Variants in CPEB3 observed in about 807,000 individuals in gnomAD.
The protein encoded by CPEB3 is cytoplasmic polyadenylation element binding protein 3, also known as cytoplasmic polyadenylation element-binding protein 3.
Under a neutral mutation model 67.2 loss-of-function variants are expected in CPEB3, and 20 were observed. The observed-to-expected ratio is 0.30, with a 90% CI of 0.21 to 0.43. CPEB3 has a LOEUF of 0.43. CPEB3 is among the 20% of genes least tolerant of loss of function. The pLI, the probability that CPEB3 is intolerant of heterozygous loss-of-function variation, is 1.00. For synonymous variants in CPEB3, 376 were observed against 393.1 expected (o/e 0.96, Z 0.51); for missense variants, 746 against 968.6 (o/e 0.77, Z 3.05).
intron 2 of CPEB3, among the ~76,000 whole-genome samples, chr10:92,237,156 C>G (rs957497997): frequency 3.9e-5 from 6 of 152,178 alleles, no homozygotes; most frequent in African/African-American, 1.4e-4. Context: ...AAACTTGGTA[C>G]GGTTATCAAC....
intron 2 of CPEB3, among the ~76,000 whole-genome samples, chr10:92,213,339 A>G (rs971357995): frequency 1.3e-5 from 2 of 152,218 alleles, no homozygotes. Flanking sequence ...AAGTCAATGA[A>G]TAAGAATTGT....
At chr10:92,117,822 C>A (rs540833391) in intron 6 of CPEB3, among the ~76,000 whole-genome samples, 1 of 152,184 alleles carries the variant, frequency 6.6e-6, no homozygotes, top group African/African-American at 2.4e-5. Flanking sequence ...TAAATGCTCA[C>A]AATGTTCTAG....
chr10:92,188,448 G>A (rs1300587146), intron 3 of CPEB3, among the ~76,000 whole-genome samples: 2 of 151,482 alleles, frequency 1.3e-5, no homozygotes, highest in East Asian at 1.9e-4. Context: ...CCGGCTGGGC[G>A]CAGTGGCTCA....
intron 9 of CPEB3, among the ~76,000 whole-genome samples, chr10:92,056,727 C>T (rs553400791): frequency 2.0e-5 from 3 of 152,296 alleles, no homozygotes; most frequent in South Asian, 2.1e-4. Flanking sequence ...TCGGGGGGCA[C>T]GTGGACTACT....
At chr10:92,217,250 C>T (rs10786032) in intron 2 of CPEB3, among the ~76,000 whole-genome samples, 72,441 of 98,408 alleles carry the variant, frequency 0.74, 25,321 homozygotes, top group East Asian at 0.94. Flanking sequence ...TATATATATA[C>T]ACACACACAC....
At chr10:92,258,651 T>TATAC (rs1852643733) in intron 1 of CPEB3, among the ~76,000 whole-genome samples, 2 of 66,966 alleles carry the variant, frequency 3.0e-5, no homozygotes, top group African/African-American at 9.1e-5. Context: ...TATATATATA[T>TATAC]ATATATATAT....
At chr10:92,149,632 C>T (rs1387194038) in intron 4 of CPEB3, among the ~76,000 whole-genome samples, 1 of 152,108 alleles carries the variant, frequency 6.6e-6, no homozygotes, top group East Asian at 1.9e-4. Context: ...TAAAACCAAA[C>T]CTCTGTCTTA....
chr10:92,209,172 T>A (rs932090652), intron 2 of CPEB3, among the ~76,000 whole-genome samples: 2 of 152,198 alleles, frequency 1.3e-5, no homozygotes, highest in East Asian at 3.9e-4. Context: ...AAAGCTGTTA[T>A]TTAAAAAAAA....
intron 3 of CPEB3, among the ~76,000 whole-genome samples, chr10:92,184,371 G>C (rs892567935): frequency 1.3e-5 from 2 of 152,176 alleles, no homozygotes; most frequent in African/African-American, 4.8e-5. Flanking sequence ...TTGGGAGGCC[G>C]AGGCAGTCGG....
chr10:92,256,255 A>G (rs966257467), intron 1 of CPEB3, among the ~76,000 whole-genome samples: 9 of 151,946 alleles, frequency 5.9e-5, no homozygotes, highest in Non-Finnish European at 1.5e-5. Context: ...AATGTCTCTC[A>G]TCTAGTATTC....
rs542138224 is a variant in CPEB3, at chr10:92,290,950, G to T, written c.-36C>A. On this transcript the variant is annotated 5_prime_UTR_variant, in exon 1 of 10. Transcript: ENST00000265997. Reference sequence around the variant, plus strand: ...CCTTGTTGCTACCGACAGTGGAGCGGCGCATCCTGCTGCTTCCTGGAAAGC... The same window carrying T: ...CCTTGTTGCTACCGACAGTGGAGCGTCGCATCCTGCTGCTTCCTGGAAAGC... 4 of 159,932 alleles carry T rather than the reference G, an allele frequency of 2.5e-5. No individual in the cohort carries two copies. Among genetic ancestry groups the T allele is most frequent in the African/African-American group, 4.8e-5 (2 of 41,620 alleles). 9.9% of individuals were successfully genotyped at this position (159,932 alleles called of 1,614,324 possible). A position where few individuals can be genotyped will look rare whatever the true frequency, so the allele number is the denominator to read the frequency against.
intron 1 of CPEB3, among the ~76,000 whole-genome samples, chr10:92,264,219 T>C (rs990836393): frequency 1.3e-5 from 2 of 151,666 alleles, no homozygotes; most frequent in African/African-American, 4.8e-5. Context: ...TCCCAACTAC[T>C]TGGGAGGCTG....
intron 9 of CPEB3, among the ~76,000 whole-genome samples, chr10:92,064,706 G>A (rs1019949574): frequency 1.3e-5 from 2 of 152,156 alleles, no homozygotes; most frequent in African/African-American, 4.8e-5. Context: ...CACTATGCTG[G>A]CTGAAAGGAG....
intron 1 of CPEB3, among the ~76,000 whole-genome samples, chr10:92,253,189 C>G (rs915895722): frequency 1.3e-5 from 2 of 151,960 alleles, no homozygotes; most frequent in South Asian, 4.1e-4. Context: ...AGGCTGGGCA[C>G]GGTAGCTCAC....
chr10:92,211,600 G>A (rs982400611), intron 2 of CPEB3, among the ~76,000 whole-genome samples: 8 of 148,638 alleles, frequency 5.4e-5, no homozygotes, highest in South Asian at 2.1e-4. Context: ...GCAGTGGCGC[G>A]ATCTTGGCTC....
In CPEB3 at chr10:92,216,790, A is replaced by G. The variant is rs1850428648; in HGVS notation, c.1005+22556T>C. On this transcript the variant is annotated intron_variant, in intron 2 of 9. Coordinates refer to ENST00000265997, the MANE Select transcript of CPEB3 (RefSeq NM_014912.5). ...AGGTGCAGTCCCTGCCCCTACCCCT[A>G]TGAGGAGCTCCGGTAGCACCTGGGC... The G allele has an allele frequency of 6.2e-6, 10 of 1,609,820 alleles. No individual in the cohort carries two copies. In the South Asian group the frequency reaches 8.8e-5, roughly 14 times the overall value.
At chr10:92,141,255 G>A (rs1310618238) in intron 6 of CPEB3, among the ~76,000 whole-genome samples, 1 of 150,302 alleles carries the variant, frequency 6.7e-6, no homozygotes, top group Non-Finnish European at 1.5e-5. Flanking sequence ...TGATAGACTG[G>A]ATTAAGAAAA....
chr10:92,213,014 C>T (rs911338537), intron 2 of CPEB3, among the ~76,000 whole-genome samples: 5 of 152,212 alleles, frequency 3.3e-5, no homozygotes, highest in African/African-American at 1.2e-4. Context: ...TTTCTTTGGA[C>T]AGCACTGCTA....
intron 8 of CPEB3, among the ~76,000 whole-genome samples, 197 bp from the exon 9 acceptor site, chr10:92,081,698 G>GAA (rs954718982): frequency 6.6e-6 from 1 of 151,780 alleles, no homozygotes; most frequent in Non-Finnish European, 1.5e-5. Flanking sequence ...AAATAAAATG[G>GAA]AAAAAAAATT....
Sources: gnomAD v4.1 joint callset for allele counts (sites outside exome capture counted in the v4.1 genomes callset) on GRCh38, gnomAD v4.1.1 for gene constraint, MANE v1.5 for transcripts, NCBI Gene and HGNC (gene_info 2026-07-23, HGNC 2026-07-21) for gene names.